SUN3: variants seen among roughly 807,000 people sequenced by gnomAD.
SUN3 encodes the protein Sad1 and UNC84 domain containing 3.
In SUN3, 36 loss-of-function variants were observed where a neutral mutation model predicts 48.2. The observed-to-expected ratio is 0.75, with a 90% confidence interval of 0.57 to 0.99. The LOEUF is 0.99. SUN3 is among the 50% of genes least tolerant of loss of function. The pLI is 0.00. For synonymous variants in SUN3, 148 were observed against 147.9 expected (o/e 1.00, Z 0.00); for missense variants, 419 against 433.1 (o/e 0.97, Z 0.29).
chr7:48,001,450 G>C (rs1331618437), intron 6 of SUN3, among the ~76,000 whole-genome samples: 2 of 151,284 alleles, frequency 1.3e-5, no homozygotes, highest in African/African-American at 4.9e-5. Context: ...GTATTCCATA[G>C]TGTATATGTA....
chr7:48,002,575 G>T (rs542461505), intron 6 of SUN3, among the ~76,000 whole-genome samples: 1 of 152,222 alleles, frequency 6.6e-6, no homozygotes, highest in East Asian at 1.9e-4. Context: ...TTTTAATGGG[G>T]TTGTTTTGTT....
upstream of SUN3, chr7:48,029,184 C>A: frequency 2.1e-6 from 1 of 468,266 alleles, no homozygotes; most frequent in Non-Finnish European, 3.8e-6. Context: ...CATGGACAGG[C>A]AACCACCTCT....
rs1437534872 is a variant in SUN3, at chr7:47,987,325, C to T, written c.*5G>A. 6.2e-7 allele frequency: 1 copy of T among 1,608,788 alleles called. No homozygotes were observed. Among genetic ancestry groups the T allele is most frequent in the Non-Finnish European group, 8.5e-7 (1 of 1,177,274 alleles). ...CATGTGGCATGGCCTTCTGTACCAA[C>T]TCTTCTAGATGTGCTTGCCTGGTGT... On this transcript the variant is annotated 3_prime_UTR_variant, in exon 10 of 10. Transcript: ENST00000297325.
chr7:48,009,312 A>G (rs1433134264), intron 3 of SUN3, among the ~76,000 whole-genome samples: 1 of 152,206 alleles, frequency 6.6e-6, no homozygotes, highest in Non-Finnish European at 1.5e-5. Flanking sequence ...GACATTCAAC[A>G]GGAGCTCTTG....
intron 4 of SUN3, 28 bp downstream of exon 4, chr7:48,009,005 AAG>A (rs756107799): frequency 6.2e-7 from 1 of 1,600,978 alleles, no homozygotes; most frequent in South Asian, 1.1e-5. Flanking sequence ...CCACACCAAA[AAG>A]AGGCATATAG....
intron 8 of SUN3, among the ~76,000 whole-genome samples, chr7:47,993,237 A>T (rs1415095882): frequency 6.6e-6 from 1 of 152,176 alleles, no homozygotes; most frequent in African/African-American, 2.4e-5. Flanking sequence ...AAGATAATAC[A>T]GTCTTCTAGC....
chr7:48,002,666 C>T (rs115221932), intron 6 of SUN3, among the ~76,000 whole-genome samples: 4,150 of 152,234 alleles, frequency 0.027, 190 homozygotes, highest in African/African-American at 0.094. Context: ...AAATTCCCTT[C>T]CATTCTGTAG....
rs58133143 is a variant in SUN3 at position 48,003,029 on chromosome 7, C to CT, written c.577+2939dup. ...TACCTAGGTTGTCTTCCAGGGTTTT[C>CT]TTTTTTTTTTTGTAGTTTTGGCTTT... On this transcript the variant is annotated intron_variant, in intron 6 of 9. Transcript: ENST00000297325. Among the ~76,000 whole-genome samples, 1,240 of 147,960 alleles carry CT rather than the reference C, an allele frequency of 8.4e-3. 16 individuals are homozygous for CT. The highest frequency in any genetic ancestry group is 0.024 in the African/African-American group (956 of 39,986).
chr7:48,016,702 G>A (rs1000812356), intron 3 of SUN3, among the ~76,000 whole-genome samples: 4 of 152,172 alleles, frequency 2.6e-5, no homozygotes, highest in Non-Finnish European at 5.9e-5. Flanking sequence ...ATTCTCTTGG[G>A]GAAGTGTGGA....
intron 6 of SUN3, among the ~76,000 whole-genome samples, chr7:48,004,192 C>T (rs369586674): frequency 2.6e-5 from 4 of 152,218 alleles, no homozygotes; most frequent in East Asian, 1.9e-4. Context: ...TGTGTCATGA[C>T]GGGGTTGGCA....
rs985198328 is a variant in SUN3, at chr7:48,008,915, G to C, written c.329+120C>G. On this transcript the variant is annotated intron_variant, in intron 4 of 9. Transcript: ENST00000297325. Reference sequence around the variant, plus strand: ...TAAATATTAATAATAGTTATTTCTGGGAGTGAAATTTTGAGTTATTTCAGG... The same window carrying C: ...TAAATATTAATAATAGTTATTTCTGCGAGTGAAATTTTGAGTTATTTCAGG... 4 of 801,198 alleles carry C rather than the reference G, an allele frequency of 5.0e-6. No homozygotes were observed. The African/African-American group carries it at 7.0e-5, about 14-fold the overall frequency. 49.6% of individuals were successfully genotyped at this position (801,198 alleles called of 1,614,324 possible).
At chr7:47,991,513 C>A (rs1461173273) in intron 8 of SUN3, among the ~76,000 whole-genome samples, 1 of 130,992 alleles carries the variant, frequency 7.6e-6, no homozygotes, top group Non-Finnish European at 1.6e-5. Context: ...GCTGTTTAAC[C>A]CAGGGCCCTC....
upstream of SUN3, among the ~76,000 whole-genome samples, chr7:48,031,832 GCACACACACA>G (rs3073706): frequency 0.025 from 3,510 of 142,368 alleles, 60 homozygotes; most frequent in Non-Finnish European, 0.036. Context: ...TGTGATTTAT[GCACACACACA>G]CACACACACA....
chr7:48,011,328 C>A (rs563739078), intron 3 of SUN3, among the ~76,000 whole-genome samples: 1 of 152,304 alleles, frequency 6.6e-6, no homozygotes, highest in South Asian at 2.1e-4. Flanking sequence ...TAGTGCTATA[C>A]TATAAATGTG....
At chr7:48,035,556 T>G in the SUN3 span, 1 of 698,276 alleles carries the variant, frequency 1.4e-6, no homozygotes, top group Non-Finnish European at 2.6e-6. This position sits in a 1 kb window ranked among gnomAD's most constrained non-coding sequence, Gnocchi z 4.0. Flanking sequence ...TTTGGTTGGC[T>G]GCAGCCAGCC....
intron 4 of SUN3, among the ~76,000 whole-genome samples, chr7:48,008,174 A>T (rs1478394575): frequency 6.6e-6 from 1 of 152,208 alleles, no homozygotes; most frequent in Non-Finnish European, 1.5e-5. Context: ...TAGAGAGAAA[A>T]AGAAAATGTC....
intron 3 of SUN3, among the ~76,000 whole-genome samples, chr7:48,013,414 G>A (rs1011852278): frequency 2.0e-5 from 3 of 152,148 alleles, no homozygotes; most frequent in African/African-American, 7.2e-5. Context: ...AATATGAGGC[G>A]ATATATCCAG....
chr7:48,024,207 CAAAGACAACCTAGAATG>C (rs563129627), intron 2 of SUN3, among the ~76,000 whole-genome samples: 5 of 152,160 alleles, frequency 3.3e-5, no homozygotes, highest in African/African-American at 7.2e-5. Flanking sequence ...AAAGAAAGTG[CAAAGACAACCTAGAATG>C]AAAGACAACC....
upstream of SUN3, among the ~76,000 whole-genome samples, chr7:48,032,699 G>A (rs1040857194): frequency 1.3e-5 from 2 of 152,258 alleles, no homozygotes; most frequent in African/African-American, 4.8e-5. Flanking sequence ...ACCCTGGTGA[G>A]ACTATGTTGT....
Sources: gnomAD v4.1 joint callset for allele counts (sites outside exome capture counted in the v4.1 genomes callset) on GRCh38, gnomAD v4.1.1 for gene constraint, Gnocchi (gnomAD v3.1) non-coding constraint, MANE v1.5 for transcripts, NCBI Gene and HGNC (gene_info 2026-07-23, HGNC 2026-07-21) for gene names.